PRKG1: variants seen among roughly 807,000 people sequenced by gnomAD.
The protein encoded by PRKG1 is cGMP-dependent protein kinase 1.
Under a neutral mutation model 88.1 loss-of-function variants are expected in PRKG1, and 35 were observed. The ratio of observed to expected loss-of-function variants is 0.40; its 90% CI spans 0.30 to 0.53. PRKG1 has a LOEUF of 0.53. Among genes scored for constraint, PRKG1 ranks in the 20% least tolerant of loss-of-function variants. PRKG1 has a pLI of 0.59. For synonymous variants in PRKG1, 303 were observed against 292.5 expected (o/e 1.04, Z -0.37); for missense variants, 540 against 839.8 (o/e 0.64, Z 4.41).
chr10:51,632,066 T>C (rs1202312305), intron 3 of PRKG1, among the ~76,000 whole-genome samples: 1 of 150,644 alleles, frequency 6.6e-6, no homozygotes, highest in Non-Finnish European at 1.5e-5. Context: ...CAACACAAAT[T>C]TGTAAACTTT....
intron 5 of PRKG1, among the ~76,000 whole-genome samples, chr10:51,953,569 C>A (rs867083018): frequency 5.9e-5 from 9 of 152,132 alleles, no homozygotes; most frequent in African/African-American, 2.2e-4. Context: ...ACAGTTAGTT[C>A]GGGAGGTACT....
At chr10:51,704,684 A>G (rs1589218691) in intron 3 of PRKG1, among the ~76,000 whole-genome samples, 1 of 152,218 alleles carries the variant, frequency 6.6e-6, no homozygotes. Context: ...GTAATAGCCA[A>G]CGCAAGAAAT....
At chr10:51,034,703 T>TATATATATATAG in intron 1 of PRKG1, among the ~76,000 whole-genome samples, 1 of 139,604 alleles carries the variant, frequency 7.2e-6, no homozygotes, top group Non-Finnish European at 1.6e-5. Context: ...TATATATATA[T>TATATATATATAG]ATATGCCTTA....
intron 13 of PRKG1, 57 bp from the exon 14 acceptor site, chr10:52,282,088 ATAACTTAT>A (rs1239990637): frequency 2.1e-6 from 3 of 1,399,182 alleles, no homozygotes; most frequent in Non-Finnish European, 2.9e-6. Flanking sequence ...GTGCTTCAAA[ATAACTTAT>A]TACTTTAAAA....
At chr10:51,413,002 G>A (rs769451171) in intron 2 of PRKG1, among the ~76,000 whole-genome samples, 2 of 152,146 alleles carry the variant, frequency 1.3e-5, no homozygotes, top group Admixed American at 6.5e-5. Flanking sequence ...TTTGGAATCC[G>A]GGCCTTATAA....
At chr10:51,964,026 A>G (rs574895433) in intron 5 of PRKG1, among the ~76,000 whole-genome samples, 12 of 152,326 alleles carry the variant, frequency 7.9e-5, no homozygotes, top group Admixed American at 5.9e-4. Context: ...TTAAAGTTCC[A>G]TGGAAAAAAT....
chr10:51,683,938 T>C (rs889886385), intron 3 of PRKG1, among the ~76,000 whole-genome samples: 11 of 152,190 alleles, frequency 7.2e-5, no homozygotes, highest in Admixed American at 2.0e-4. Context: ...TTCGGGGGAA[T>C]GTAAAATAGT....
chr10:51,750,857 G>T lies in PRKG1; in HGVS notation c.593-53728G>T, dbSNP rs538822601. Among the ~76,000 whole-genome samples the T allele has an allele frequency of 2.6e-4, 39 of 151,336 alleles. No individual in the cohort carries two copies. In the South Asian group the frequency reaches 7.1e-3, roughly 28 times the overall value. ...ACCCATTAACAACCCCTTTCTAAAA[G>T]AATATTTTCAATTGCTGCTTTTATT... On this transcript the variant is annotated intron_variant, in intron 3 of 17. Transcript: ENST00000373980.
chr10:51,155,747 G>A lies in PRKG1; in HGVS notation c.478+2417G>A, dbSNP rs1221866477. 3.9e-5 allele frequency among the ~76,000 whole-genome samples: 6 copies of A among 152,092 alleles called. No homozygotes were observed. In the East Asian group the frequency reaches 7.7e-4, roughly 20 times the overall value. On this transcript the variant is annotated intron_variant, in intron 2 of 17. Coordinates refer to ENST00000373980, the MANE Select transcript of PRKG1 (RefSeq NM_006258.4). ...ATGCTGCAATTCGAGTCTGAAAGCC[G>A]TCTGCTGACAGAATTTCCTCTTTCT...
chr10:51,138,432 C>T (rs2131949733), intron 1 of PRKG1, among the ~76,000 whole-genome samples: 1 of 152,246 alleles, frequency 6.6e-6, no homozygotes, highest in Non-Finnish European at 1.5e-5. Context: ...CTTTCACGTT[C>T]ACTATTGCCT....
chr10:52,166,829 G>GTA (rs550569578), intron 9 of PRKG1, among the ~76,000 whole-genome samples: 1,298 of 5,476 alleles, frequency 0.24, 46 homozygotes, highest in Middle Eastern at 0.43. Flanking sequence ...GTATATATAT[G>GTA]TATATATATG....
intron 5 of PRKG1, among the ~76,000 whole-genome samples, chr10:51,977,199 A>G (rs1020241223): frequency 2.6e-5 from 4 of 151,922 alleles, no homozygotes; most frequent in African/African-American, 9.7e-5. Flanking sequence ...TTTCATTTAT[A>G]AGTGGGAACA....
chr10:51,052,320 G>A (rs1843572107), intron 1 of PRKG1, among the ~76,000 whole-genome samples: 1 of 152,106 alleles, frequency 6.6e-6, no homozygotes, highest in South Asian at 2.1e-4. Context: ...AATTTAACCT[G>A]GAATTTTCTT....
intron 1 of PRKG1, among the ~76,000 whole-genome samples, chr10:51,079,521 T>G (rs1844052678): frequency 6.6e-6 from 1 of 152,150 alleles, no homozygotes; most frequent in Admixed American, 6.5e-5. Context: ...GCAGGGCCCC[T>G]CTGGGAATTG....
chr10:52,034,969 T>TAA (rs541396355), intron 5 of PRKG1, among the ~76,000 whole-genome samples: 95 of 152,290 alleles, frequency 6.2e-4, no homozygotes, highest in African/African-American at 2.2e-3. Context: ...AGTGTGTTTT[T>TAA]AAAAGACCTT....
intron 5 of PRKG1, among the ~76,000 whole-genome samples, chr10:51,922,753 C>G (rs1340154424): frequency 6.6e-6 from 1 of 151,958 alleles, no homozygotes; most frequent in African/African-American, 2.4e-5. Flanking sequence ...GTAGTCTAAA[C>G]ACATACTTTG....
Position 51,820,326 on chromosome 10 carries a change from C to A in PRKG1, c.698+15636C>A, listed in dbSNP as rs543934467. Reference sequence around the variant, plus strand: ...CTTCTTTGTTTTCTTATGCCGCCACCATCTACTTCTTTTTCTCAGTTTTAA... The same window carrying A: ...CTTCTTTGTTTTCTTATGCCGCCACAATCTACTTCTTTTTCTCAGTTTTAA... On this transcript the variant is annotated intron_variant, in intron 4 of 17. Transcript: ENST00000373980. Among the ~76,000 whole-genome samples the A allele has an allele frequency of 1.1e-4, 16 of 152,180 alleles. No individual in the cohort carries two copies. In the East Asian group the frequency reaches 2.9e-3, roughly 27 times the overall value.
chr10:51,130,866 G>A lies in PRKG1; in HGVS notation c.312-22298G>A, dbSNP rs145596255. Among the ~76,000 whole-genome samples the A allele has an allele frequency of 2.1e-3, 321 of 151,952 alleles. 2 individuals carry two copies. The highest frequency in any genetic ancestry group is 7.5e-3 in the African/African-American group (311 of 41,428). ...GCAGTGAGCCGAGATCTGAGATAGC[G>A]CCACTGCACTCCAGCCTATGCAACA... On this transcript the variant is annotated intron_variant, in intron 1 of 17. Transcript: ENST00000373980.
At chr10:52,094,948 T>C (rs1223196872) in intron 7 of PRKG1, among the ~76,000 whole-genome samples, 1 of 152,158 alleles carries the variant, frequency 6.6e-6, no homozygotes, top group Non-Finnish European at 1.5e-5. Context: ...TTGGAGTGTT[T>C]TCTTGTAGGG....
Sources: gnomAD v4.1 joint callset for allele counts (sites outside exome capture counted in the v4.1 genomes callset) on GRCh38, gnomAD v4.1.1 for gene constraint, MANE v1.5 for transcripts, NCBI Gene and HGNC (gene_info 2026-07-23, HGNC 2026-07-21) for gene names.